HDHD5: variants seen among roughly 807,000 people sequenced by gnomAD.
HDHD5 encodes the protein haloacid dehalogenase-like hydrolase domain-containing 5.
Under a neutral mutation model 35.5 loss-of-function variants are expected in HDHD5, and 34 were observed. That is an observed-to-expected ratio of 0.96 (90% CI 0.73 to 1.28). The LOEUF (loss-of-function observed/expected upper bound fraction) is 1.28, where lower values mean the gene tolerates loss of function less well. Among genes scored for constraint, HDHD5 ranks in the 50% most tolerant of loss-of-function variants. HDHD5 has a pLI of 0.00. For synonymous variants in HDHD5, 248 were observed against 240.6 expected, an observed-to-expected ratio of 1.03 and a Z score of -0.29; for missense variants, 589 against 560.2, an observed-to-expected ratio of 1.05 and a Z score of -0.52.
At chr22:17,162,180 T>C (rs1450222127), upstream of HDHD5, among the ~76,000 whole-genome samples, 1 of 152,178 alleles carries the variant, frequency 6.6e-6, no homozygotes, top group Non-Finnish European at 1.5e-5. Flanking sequence ...AGAATCTTCT[T>C]GGAGGTGGAG....
At position 17,143,085 on chromosome 22, in the gene HDHD5, G is replaced by A. The variant is rs781035453; in HGVS notation, c.571+13C>T. On this transcript the variant is annotated intron_variant, in intron 5 of 7. Transcript: ENST00000336737. ...AAAAGACCTCACAACTCATCAAAGAGGACCTCTCTTACCTTCAATGCGGGG... is the reference window on the plus strand; with the variant it reads ...AAAAGACCTCACAACTCATCAAAGAAGACCTCTCTTACCTTCAATGCGGGG... The A allele has an allele frequency of 6.2e-7, 1 of 1,608,962 alleles. No homozygotes were observed. The highest frequency in any genetic ancestry group is 8.5e-7 in the Non-Finnish European group (1 of 1,177,862).
At chr22:17,155,231 C>CTTTTTTTTT (rs539943001) in intron 1 of HDHD5, among the ~76,000 whole-genome samples, 1 of 133,254 alleles carries the variant, frequency 7.5e-6, no homozygotes, top group African/African-American at 2.8e-5. Context: ...ATTTGCTTTC[C>CTTTTTTTTT]TTTTTTTTTT....
At chr22:17,156,331 G>C (rs11912796) in intron 1 of HDHD5, among the ~76,000 whole-genome samples, 25,457 of 152,184 alleles carry the variant, frequency 0.17, 2,722 homozygotes, top group Middle Eastern at 0.26. Flanking sequence ...TTTTTTTTAA[G>C]GTAGGGCACT....
chr22:17,148,733 G>A (rs1168607541), intron 2 of HDHD5, among the ~76,000 whole-genome samples, 173 bp from the exon 3 acceptor site: 1 of 152,308 alleles, frequency 6.6e-6, no homozygotes, highest in Non-Finnish European at 1.5e-5. Flanking sequence ...CACCCAAACA[G>A]ATCTGAGAAG....
In HDHD5 at chr22:17,140,227, C is replaced by T. The variant is rs571749899; in HGVS notation, c.746+832G>A. ...GACTGGCCATGCAGATAACAGCAAC[C>T]GAACAGTACACAGCAGCTGTCAGCT... On this transcript the variant is annotated intron_variant, in intron 6 of 7. Transcript: ENST00000336737. Among the ~76,000 whole-genome samples the T allele has an allele frequency of 1.3e-4, 20 of 152,262 alleles. No individual in the cohort carries two copies. The South Asian group carries it at 1.5e-3, about 11-fold the overall frequency.
At chr22:17,144,751 A>AT (rs942046973) in intron 4 of HDHD5, among the ~76,000 whole-genome samples, 1 of 150,848 alleles carries the variant, frequency 6.6e-6, no homozygotes, top group Admixed American at 6.6e-5. Context: ...GGGTCTCACT[A>AT]TGTTGCCCAG....
chr22:17,143,419 T>C (rs2061621686), intron 4 of HDHD5: 2 of 346,618 alleles, frequency 5.8e-6, no homozygotes, highest in Non-Finnish European at 1.0e-5. Flanking sequence ...ACACAAGATA[T>C]AGCCAAGCAA....
At chr22:17,138,794 A>G in intron 6 of HDHD5, 56 bp from the exon 7 acceptor site, 1 of 1,591,698 alleles carries the variant, frequency 6.3e-7, no homozygotes, top group Non-Finnish European at 8.6e-7. Context: ...GCTCTTCTAG[A>G]GAACACGACT....
chr22:17,137,999 C>T lies in HDHD5; in HGVS notation c.*22G>A. On this transcript the variant is annotated 3_prime_UTR_variant, in exon 8 of 8. Transcript: ENST00000336737. ...CTCGCCCACAGGTCCAGGCTCACCCCCTCACCTCCACCGCACTGCCCTCAC... is the reference window on the plus strand; with the variant it reads ...CTCGCCCACAGGTCCAGGCTCACCCTCTCACCTCCACCGCACTGCCCTCAC... 1 of 1,587,768 alleles carries T rather than the reference C, an allele frequency of 6.3e-7. No homozygotes were observed. The highest frequency in any genetic ancestry group is 1.3e-5 in the African/African-American group (1 of 74,518).
intron 1 of HDHD5, among the ~76,000 whole-genome samples, chr22:17,157,310 C>T (rs1243303787): frequency 1.4e-5 from 2 of 147,488 alleles, no homozygotes; most frequent in East Asian, 2.1e-4. Flanking sequence ...ATCTGTTGCC[C>T]GGGCTGGAGT....
At chr22:17,158,959 C>T (rs1004170298) in intron 1 of HDHD5, 167 bp downstream of exon 1, 1 of 557,070 alleles carries the variant, frequency 1.8e-6, no homozygotes, top group Non-Finnish European at 2.6e-6. Context: ...GAAGGCAGGG[C>T]GCATCCGCCC....
intron 1 of HDHD5, among the ~76,000 whole-genome samples, chr22:17,151,494 CT>C: frequency 6.6e-6 from 1 of 152,108 alleles, no homozygotes; most frequent in African/African-American, 2.4e-5. Context: ...CTTTGGGAGG[CT>C]CAAGAGGGTG....
chr22:17,138,150 C>T lies in HDHD5; in HGVS notation c.1143G>A (p.Gly381=). Residue 381 remains glycine, a synonymous_variant, in exon 8 of 8, where the codon GGG becomes GGA. Transcript: ENST00000336737. ...CTCGGTGCCCGTGGAATGGAGGCTC[C>T]CCTCCTCCAAGGACAGGCTCCGTGG... ...PQSTEPVLGG[G]EPPFHGHRDL... 6.2e-7 allele frequency: 1 copy of T among 1,614,106 alleles called. No homozygotes were observed. The highest frequency in any genetic ancestry group is 8.5e-7 in the Non-Finnish European group (1 of 1,179,966).
chr22:17,156,605 T>A (rs947003933), intron 1 of HDHD5, among the ~76,000 whole-genome samples: 5 of 151,964 alleles, frequency 3.3e-5, no homozygotes, highest in Non-Finnish European at 7.4e-5. Context: ...TGAAACCCCA[T>A]CTCTACTAAA....
At chr22:17,157,085 TACACACAC>T (rs58807817) in intron 1 of HDHD5, among the ~76,000 whole-genome samples, 41,444 of 143,712 alleles carry the variant, frequency 0.29, 6,089 homozygotes, top group Middle Eastern at 0.35. Context: ...CTCACACACA[TACACACAC>T]ACACACACAC....
Position 17,138,267 on chromosome 22 carries a change from G to A in HDHD5, c.1026C>T (p.Ala342=), listed in dbSNP as rs149209397. 8.0e-5 allele frequency: 129 copies of A among 1,614,080 alleles called. No homozygotes were observed. Among genetic ancestry groups the A allele is most frequent in the Non-Finnish European group, 1.0e-4 (120 of 1,180,050 alleles). The stretch of plus-strand genomic sequence containing the variant: ...AGGGCTGTTGCTGCCGTGTGCCCCC[G>A]GCCCCTAGTTCTGGCGCCCCATCAT... ...ATHDGAPELG[A]GGTRQQQPSA... Residue 342 remains alanine (A), a synonymous_variant, in exon 8 of 8, where the codon GCC becomes GCT. Coordinates refer to ENST00000336737, the MANE Select transcript of HDHD5 (RefSeq NM_033070.3).
chr22:17,138,038 C>T lies in HDHD5; in HGVS notation c.1255G>A (p.Gly419Ser). The change falls in exon 8 of 8, where the codon GGC (glycine) becomes AGC (serine). Residue 419 changes from glycine to serine, a missense_variant. Physicochemically the swap from Gly to Ser is moderately conservative, Grantham distance 56. Coordinates refer to ENST00000336737, the MANE Select transcript of HDHD5 (RefSeq NM_033070.3). ...CACTGCCCTCACTCCAAAGCCCAGC[C>T]CTCCTTGCGGAAGACCAGCTGCACA... ...EAVQLVFRKE[G>S]WALE The T allele has an allele frequency of 6.2e-7, 1 of 1,612,822 alleles. No individual in the cohort carries two copies. Among genetic ancestry groups the T allele is most frequent in the Admixed American group, 1.7e-5 (1 of 59,996 alleles).
At chr22:17,148,893 A>C (rs780476386) in intron 2 of HDHD5, among the ~76,000 whole-genome samples, 1 of 152,162 alleles carries the variant, frequency 6.6e-6, no homozygotes, top group Non-Finnish European at 1.5e-5. Context: ...GCTCCCTGTC[A>C]CTGTCGCAGA....
upstream of HDHD5, among the ~76,000 whole-genome samples, chr22:17,162,556 G>C (rs1180753178): frequency 2.6e-5 from 4 of 152,196 alleles, no homozygotes; most frequent in Non-Finnish European, 5.9e-5. Flanking sequence ...TGTTGTTTTA[G>C]TTGGTTTGGT....
Sources: gnomAD v4.1 joint callset for allele counts (sites outside exome capture counted in the v4.1 genomes callset) on GRCh38, gnomAD v4.1.1 for gene constraint, MANE v1.5 for transcripts, NCBI Gene and HGNC (gene_info 2026-07-23, HGNC 2026-07-21) for gene names.